RBFOX3: variants seen among roughly 807,000 people sequenced by gnomAD.
RBFOX3 encodes the protein RNA binding fox-1 homolog 3.
In RBFOX3, 17 loss-of-function variants were observed where a neutral mutation model predicts 48.7. The ratio of observed to expected loss-of-function variants is 0.35; its 90% CI spans 0.24 to 0.52. RBFOX3 has a LOEUF of 0.52. Among genes scored for constraint, RBFOX3 ranks in the 20% least tolerant of loss-of-function variants. RBFOX3 has a pLI of 0.94. For synonymous variants in RBFOX3, 212 were observed against 209.5 expected (o/e 1.01, Z -0.10); for missense variants, 382 against 497.5 (o/e 0.77, Z 2.21).
chr17:79,261,005 C>T (rs1409523485), intron 3 of RBFOX3, among the ~76,000 whole-genome samples: 1 of 152,196 alleles, frequency 6.6e-6, no homozygotes, highest in East Asian at 1.9e-4. Context: ...CCCTCCCGTC[C>T]TGGGGCCGGG....
At chr17:79,284,797 C>G (rs928670763) in intron 3 of RBFOX3, among the ~76,000 whole-genome samples, 25 of 152,172 alleles carry the variant, frequency 1.6e-4, no homozygotes, top group Non-Finnish European at 2.6e-4. Context: ...ACCTCGGCCT[C>G]CCAAAGTGCT....
At chr17:79,257,486 A>G (rs1024943422) in intron 3 of RBFOX3, among the ~76,000 whole-genome samples, 8 of 152,238 alleles carry the variant, frequency 5.3e-5, no homozygotes, top group Admixed American at 1.3e-4. Flanking sequence ...AGAGCAGCAG[A>G]CCAGGAAGCT....
chr17:79,293,209 G>T (rs1461425997), intron 3 of RBFOX3, among the ~76,000 whole-genome samples: 1 of 152,202 alleles, frequency 6.6e-6, no homozygotes, highest in East Asian at 1.9e-4. Context: ...AGAAAACTGA[G>T]AATTTAGAGG....
chr17:79,092,249 G>C (rs952007530), intron 14 of RBFOX3: 1 of 985,540 alleles, frequency 1.0e-6, no homozygotes. Context: ...CTACTCCCAG[G>C]TTGGGGGCTG....
At chr17:79,617,742 C>A in the RBFOX3 span, among the ~76,000 whole-genome samples, 7 of 152,222 alleles carry the variant, frequency 4.6e-5, no homozygotes, top group Non-Finnish European at 8.8e-5. Context: ...GTCATCCCCG[C>A]ATTTTGAGCT....
At chr17:79,559,681 G>A (rs1438583336) in intron 1 of RBFOX3, among the ~76,000 whole-genome samples, 1 of 144,440 alleles carries the variant, frequency 6.9e-6, no homozygotes, top group African/African-American at 2.6e-5. Context: ...GTGGATGGAT[G>A]AGTGGGTCGG....
At chr17:79,309,659 T>C (rs2076574246) in intron 2 of RBFOX3, among the ~76,000 whole-genome samples, 1 of 152,176 alleles carries the variant, frequency 6.6e-6, no homozygotes, top group African/African-American at 2.4e-5. Flanking sequence ...CCAAGTCTCA[T>C]CTGGAATTGT....
chr17:79,532,812 A>C (rs1362720544), intron 1 of RBFOX3, among the ~76,000 whole-genome samples: 1 of 150,694 alleles, frequency 6.6e-6, no homozygotes, highest in African/African-American at 2.5e-5. Flanking sequence ...CTCTTTCATC[A>C]GGTGACTATT....
chr17:79,592,443 G>A (rs1432589839), intron 1 of RBFOX3, among the ~76,000 whole-genome samples: 2 of 151,784 alleles, frequency 1.3e-5, no homozygotes, highest in Non-Finnish European at 2.9e-5. Flanking sequence ...GTGCATATGT[G>A]TGTGGACAGG....
At chr17:79,496,510 T>G (rs184323957) in intron 1 of RBFOX3, among the ~76,000 whole-genome samples, 3,578 of 152,238 alleles carry the variant, frequency 0.024, 100 homozygotes, top group Non-Finnish European at 0.031. Context: ...GCACAAACAT[T>G]TCAAGAGAAT....
At chr17:79,271,725 G>C (rs1451059290) in intron 3 of RBFOX3, among the ~76,000 whole-genome samples, 4 of 149,138 alleles carry the variant, frequency 2.7e-5, no homozygotes, top group African/African-American at 9.9e-5. Flanking sequence ...GGACCCCGTT[G>C]CCTAATTAAA....
chr17:79,407,377 G>C lies in RBFOX3; in HGVS notation c.-175+75077C>G, dbSNP rs114781289. Among the ~76,000 whole-genome samples, 1,393 of 152,336 alleles carry C rather than the reference G, an allele frequency of 9.1e-3. 30 individuals are homozygous for C. Among genetic ancestry groups the C allele is most frequent in the African/African-American group, 0.031 (1,283 of 41,572 alleles). ...TGAACAAATAAATCACTCAACTATT[G>C]AATAAAGGTCTGGGAGTATCTGTCC... On this transcript the variant is annotated intron_variant, in intron 2 of 14. Coordinates refer to ENST00000693108, the MANE Select transcript of RBFOX3 (RefSeq NM_001350451.2).
intron 1 of RBFOX3, among the ~76,000 whole-genome samples, chr17:79,559,502 T>G (rs2092027696): frequency 1.4e-5 from 2 of 143,164 alleles, no homozygotes; most frequent in South Asian, 4.6e-4. Context: ...GTGGTGGATT[T>G]TGTATGGGTG....
chr17:79,156,687 G>A (rs2045881020), intron 4 of RBFOX3, among the ~76,000 whole-genome samples: 1 of 152,198 alleles, frequency 6.6e-6, no homozygotes, highest in South Asian at 2.1e-4. Flanking sequence ...TCGCCCTACC[G>A]CATCACTGAG....
chr17:79,128,370 T>TTTTTCTACGTGAGCGTTTTCTACGA (rs1555700635), intron 4 of RBFOX3, among the ~76,000 whole-genome samples: 4 of 152,036 alleles, frequency 2.6e-5, no homozygotes, highest in Non-Finnish European at 5.9e-5. Flanking sequence ...CCCACTGAGG[T>TTTTTCTACGTGAGCGTTTTCTACGA]CCCAGAAGCA....
chr17:79,379,569 T>C (rs4789892), intron 2 of RBFOX3, among the ~76,000 whole-genome samples: 117,869 of 151,980 alleles, frequency 0.78, 46,400 homozygotes, highest in Middle Eastern at 0.91. Flanking sequence ...AATTACACCC[T>C]GGCCTTGAAA....
intron 4 of RBFOX3, among the ~76,000 whole-genome samples, chr17:79,181,063 C>T (rs528994886): frequency 2.0e-5 from 3 of 152,298 alleles, no homozygotes; most frequent in East Asian, 1.9e-4. Context: ...ACCGAGACAG[C>T]GCCAAATGTG....
intron 4 of RBFOX3, among the ~76,000 whole-genome samples, chr17:79,138,679 C>T (rs2040895073): frequency 1.3e-5 from 2 of 148,726 alleles, no homozygotes; most frequent in Admixed American, 6.7e-5. Flanking sequence ...CACACCCTCA[C>T]CCATACACAT....
intron 2 of RBFOX3, among the ~76,000 whole-genome samples, chr17:79,309,797 T>C (rs563739533): frequency 1.3e-5 from 2 of 152,098 alleles, no homozygotes; most frequent in Non-Finnish European, 2.9e-5. Flanking sequence ...TGGTTGGCAG[T>C]TCCCCCCTCA....
Sources: allele counts gnomAD v4.1 joint callset (sites outside exome capture counted in the v4.1 genomes callset), GRCh38; gene constraint gnomAD v4.1.1; transcripts MANE v1.5; gene names NCBI Gene and HGNC (gene_info 2026-07-23, HGNC 2026-07-21).